Variants in PRKAG2 observed in about 807,000 individuals in gnomAD.
PRKAG2 encodes the protein 5'-AMP-activated protein kinase subunit gamma-2.
In PRKAG2, 26 loss-of-function variants were observed where a neutral mutation model predicts 69.6. The observed-to-expected ratio is 0.37, with a 90% confidence interval of 0.27 to 0.52. The LOEUF is 0.52. Among genes scored for constraint, PRKAG2 ranks in the 20% least tolerant of loss-of-function variants. The pLI, the probability that PRKAG2 is intolerant of heterozygous loss-of-function variation, is 0.90. For synonymous variants in PRKAG2, 293 were observed against 285.0 expected (o/e 1.03, Z -0.28); for missense variants, 557 against 740.0 (o/e 0.75, Z 2.87).
chr7:151,760,222 T>C (rs538751140), intron 3 of PRKAG2, among the ~76,000 whole-genome samples: 1 of 148,372 alleles, frequency 6.7e-6, no homozygotes, highest in African/African-American at 2.5e-5. Context: ...CCTTACTTCT[T>C]TGAGAGAGAG....
intron 4 of PRKAG2, among the ~76,000 whole-genome samples, chr7:151,635,891 G>A (rs190347344): frequency 2.0e-5 from 3 of 147,264 alleles, no homozygotes; most frequent in East Asian, 2.0e-4. Context: ...TTTTTGAGAC[G>A]GAGTCTCGCT....
intron 11 of PRKAG2, among the ~76,000 whole-genome samples, chr7:151,568,303 G>A (rs1222752788): frequency 6.6e-6 from 1 of 152,176 alleles, no homozygotes; most frequent in Non-Finnish European, 1.5e-5. Context: ...CTTGAGGAAA[G>A]CATTTTTTGG....
intron 1 of PRKAG2, among the ~76,000 whole-genome samples, chr7:151,852,304 G>T (rs1348795151): frequency 6.6e-6 from 1 of 152,166 alleles, no homozygotes; most frequent in Non-Finnish European, 1.5e-5. Flanking sequence ...AGACCAGCCT[G>T]GCCAACATGG....
chr7:151,566,881 T>C (rs1006044608), intron 11 of PRKAG2, among the ~76,000 whole-genome samples: 1 of 152,188 alleles, frequency 6.6e-6, no homozygotes, highest in Non-Finnish European at 1.5e-5. Context: ...CTGAAATGTC[T>C]TTAAGTTCTA....
intron 4 of PRKAG2, among the ~76,000 whole-genome samples, chr7:151,651,274 G>C (rs1299423552): frequency 6.6e-6 from 1 of 152,150 alleles, no homozygotes. Context: ...ACTAATGCAT[G>C]GTATTATAAA....
At chr7:151,725,594 G>A (rs79431921) in intron 3 of PRKAG2, among the ~76,000 whole-genome samples, 2 of 151,518 alleles carry the variant, frequency 1.3e-5, no homozygotes, top group African/African-American at 4.8e-5. Context: ...GGGTGTGGTG[G>A]CACTTTACCA....
intron 1 of PRKAG2, among the ~76,000 whole-genome samples, chr7:151,813,395 G>A (rs865834338): frequency 6.6e-6 from 1 of 150,876 alleles, no homozygotes; most frequent in Non-Finnish European, 1.5e-5. Flanking sequence ...GGGGTCAAGC[G>A]ACCCCCAGGT....
chr7:151,669,869 C>T (rs79090777), intron 4 of PRKAG2, among the ~76,000 whole-genome samples: 2 of 8,050 alleles, frequency 2.5e-4, no homozygotes, highest in Admixed American at 3.2e-3. Context: ...TGCATACATA[C>T]TTGCACACAC....
rs559420113 is a variant in PRKAG2 at position 151,793,727 on chromosome 7, C to T, written c.115-7186G>A. ...CACGGGGGAGGTGCCTCTGGACAGG[C>T]CGGCCTTGCGCAATCCCCAAAACCA... On this transcript the variant is annotated intron_variant, in intron 1 of 15. Transcript: ENST00000287878. Among the ~76,000 whole-genome samples, 149 of 152,328 alleles carry T rather than the reference C, an allele frequency of 9.8e-4. 1 individual carries two copies. The highest frequency in any genetic ancestry group is 1.8e-3 in the Non-Finnish European group (122 of 68,034).
intron 1 of PRKAG2, among the ~76,000 whole-genome samples, chr7:151,830,623 G>A (rs528126091): frequency 6.6e-6 from 1 of 151,866 alleles, no homozygotes; most frequent in Admixed American, 6.6e-5. Context: ...CGGCCCTCCC[G>A]CGATGGGACT....
chr7:151,727,282 G>A (rs2151665004), intron 3 of PRKAG2, among the ~76,000 whole-genome samples: 1 of 152,276 alleles, frequency 6.6e-6, no homozygotes, highest in East Asian at 1.9e-4. Context: ...GGGCTTTGAG[G>A]CAGACCTGCC....
chr7:151,714,425 AGCCGTCCTCCCATCCGCGACCC>A (rs71827935), intron 3 of PRKAG2, among the ~76,000 whole-genome samples: 46,882 of 146,342 alleles, frequency 0.32, 7,951 homozygotes, highest in East Asian at 0.7. Context: ...CTTCCCGGAG[AGCCGTCCTCCCATCCGCGACCC>A]GCCGTCCTCC....
intron 3 of PRKAG2, among the ~76,000 whole-genome samples, chr7:151,712,735 C>T (rs868851093): frequency 4.6e-5 from 7 of 152,246 alleles, no homozygotes; most frequent in Non-Finnish European, 7.3e-5. Context: ...CCCGGGGCCA[C>T]GCTGTGCTGA....
At chr7:151,809,068 C>T (rs1020897151) in intron 1 of PRKAG2, among the ~76,000 whole-genome samples, 1 of 152,196 alleles carries the variant, frequency 6.6e-6, no homozygotes, top group Non-Finnish European at 1.5e-5. Flanking sequence ...CTACGCCTTG[C>T]ACGGATGAGT....
chr7:151,677,494 T>C (rs747181068), intron 3 of PRKAG2, among the ~76,000 whole-genome samples: 3 of 152,246 alleles, frequency 2.0e-5, no homozygotes, highest in Non-Finnish European at 2.9e-5. Flanking sequence ...ACTCACCCTC[T>C]GATATCTTAC....
intron 5 of PRKAG2, among the ~76,000 whole-genome samples, chr7:151,607,987 G>A (rs1201224986): frequency 1.3e-5 from 2 of 152,186 alleles, no homozygotes; most frequent in African/African-American, 4.8e-5. Context: ...TCCCGGATTA[G>A]GGTGGGCCCT....
Position 151,848,253 on chromosome 7 carries a change from C to T in PRKAG2, c.114+28254G>A, listed in dbSNP as rs568037726. Among the ~76,000 whole-genome samples the T allele has an allele frequency of 3.5e-4, 53 of 152,220 alleles. 1 individual carries two copies. The highest frequency in any genetic ancestry group is 1.2e-4 in the Non-Finnish European group (8 of 68,016). Reference sequence around the variant, plus strand: ...GGTTAGGTCATGAGGACAGGGCCCTCAGAAATGGGTTACTACTCTTAGAAA... The same window carrying T: ...GGTTAGGTCATGAGGACAGGGCCCTTAGAAATGGGTTACTACTCTTAGAAA... On this transcript the variant is annotated intron_variant, in intron 1 of 15. Coordinates refer to ENST00000287878, the MANE Select transcript of PRKAG2 (RefSeq NM_016203.4).
At chr7:151,875,326 C>T (rs2080361056) in intron 1 of PRKAG2, among the ~76,000 whole-genome samples, 1 of 152,194 alleles carries the variant, frequency 6.6e-6, no homozygotes, top group Non-Finnish European at 1.5e-5. Context: ...CACGTGTGGG[C>T]CGGAGTTTAC....
At chr7:151,872,950 C>T (rs1268704898) in intron 1 of PRKAG2, among the ~76,000 whole-genome samples, 4 of 152,218 alleles carry the variant, frequency 2.6e-5, no homozygotes, top group South Asian at 2.1e-4. Flanking sequence ...AAATACAGGA[C>T]GCCCCCATTA....
Sources: allele counts gnomAD v4.1 joint callset (sites outside exome capture counted in the v4.1 genomes callset), GRCh38; gene constraint gnomAD v4.1.1; transcripts MANE v1.5; gene names NCBI Gene and HGNC (gene_info 2026-07-23, HGNC 2026-07-21).